Variants in SREBF2 observed in about 807,000 individuals in gnomAD.
SREBF2 encodes the protein sterol regulatory element-binding protein 2.
Under a neutral mutation model 113.1 loss-of-function variants are expected in SREBF2, and 55 were observed. The ratio of observed to expected loss-of-function variants is 0.49; its 90% CI spans 0.39 to 0.61. The LOEUF (loss-of-function observed/expected upper bound fraction) is 0.61, where lower values mean the gene tolerates loss of function less well. SREBF2 is among the 20% of genes least tolerant of loss of function. SREBF2 has a pLI of 0.00. For missense variants in SREBF2, 1,349 were observed against 1,487.4 expected, an observed-to-expected ratio of 0.91 and a Z score of 1.53; for synonymous variants, 593 against 605.7, an observed-to-expected ratio of 0.98 and a Z score of 0.31.
chr22:41,854,226 C>T (rs1478879092), intron 1 of SREBF2, among the ~76,000 whole-genome samples: 12 of 151,386 alleles, frequency 7.9e-5, no homozygotes, highest in African/African-American at 1.5e-4. Context: ...TGCAGTGGCG[C>T]GATCTCGACT....
intron 1 of SREBF2, among the ~76,000 whole-genome samples, chr22:41,835,023 C>T (rs2076756386): frequency 6.6e-6 from 1 of 152,082 alleles, no homozygotes; most frequent in Non-Finnish European, 1.5e-5. Flanking sequence ...ATTACACAGC[C>T]AGTAGAAAGT....
chr22:41,898,443 G>GAT (rs1024023103), intron 14 of SREBF2, among the ~76,000 whole-genome samples: 1 of 152,196 alleles, frequency 6.6e-6, no homozygotes, highest in Non-Finnish European at 1.5e-5. Flanking sequence ...TAAGGCTCTT[G>GAT]ATATATATTG....
At chr22:41,886,772 C>T (rs2077303400) in intron 11 of SREBF2, among the ~76,000 whole-genome samples, 1 of 152,132 alleles carries the variant, frequency 6.6e-6, no homozygotes, top group Non-Finnish European at 1.5e-5. Context: ...GGTGGCTTAC[C>T]CCTGTAATCC....
chr22:41,871,898 C>CAAA (rs34718352), intron 4 of SREBF2, among the ~76,000 whole-genome samples: 52 of 103,730 alleles, frequency 5.0e-4, no homozygotes, highest in Admixed American at 9.8e-4. Flanking sequence ...GACTGACTCT[C>CAAA]AAAAAAAAAA....
chr22:41,898,735 C>A lies in SREBF2; in HGVS notation c.2692C>A (p.His898Asn). 1 of 1,614,120 alleles carries A rather than the reference C, an allele frequency of 6.2e-7. No homozygotes were observed. The change falls in exon 15 of 19, where the codon CAT becomes AAT. Residue 898 changes from histidine to asparagine, a missense_variant. His to Asn is a moderately conservative substitution (Grantham distance 68). Transcript: ENST00000361204. Reference sequence around the variant, plus strand: ...GGGAGACGATGCAGCTGTGCGCTCTCATTTTACCAAAGTGGAACGCATCCC... The same window carrying A: ...GGGAGACGATGCAGCTGTGCGCTCTAATTTTACCAAAGTGGAACGCATCCC... ...LQGDDAAVRS[H>N]FTKVERIPKA... is the part of the protein sequence containing the mutation.
At chr22:41,882,637 C>T (rs2077258425) in intron 10 of SREBF2, among the ~76,000 whole-genome samples, 1 of 152,306 alleles carries the variant, frequency 6.6e-6, no homozygotes, top group South Asian at 2.1e-4. Context: ...AAAACCCTGT[C>T]TCTACTAAAA....
In SREBF2 at chr22:41,905,328, C is replaced by T. The variant is rs2269663; in HGVS notation, c.3206-112C>T. 2,789 of 1,086,330 alleles carry T rather than the reference C, an allele frequency of 2.6e-3. 86 individuals carry two copies. The East Asian group carries it at 0.07, about 27-fold the overall frequency. 67.3% of individuals were successfully genotyped at this position (1,086,330 alleles called of 1,614,324 possible). A position where few individuals can be genotyped will look rare whatever the true frequency, so the allele number is the denominator to read the frequency against. On this transcript the variant is annotated intron_variant, in intron 18 of 18. Transcript: ENST00000361204. ...CCGTGGATTGGGTGGGGCAGCAGACCCCACCTCCCAGGATGGATGTGAGCG... is the reference window on the plus strand; with the variant it reads ...CCGTGGATTGGGTGGGGCAGCAGACTCCACCTCCCAGGATGGATGTGAGCG...
intron 16 of SREBF2, chr22:41,901,083 AG>A: frequency 2.3e-6 from 1 of 439,120 alleles, no homozygotes. Flanking sequence ...ATCCTGATAG[AG>A]GGCACTGCTG....
intron 1 of SREBF2, among the ~76,000 whole-genome samples, chr22:41,844,065 C>CACACAT (rs369136150): frequency 0.013 from 1,839 of 146,024 alleles, 39 homozygotes; most frequent in Admixed American, 0.045. Flanking sequence ...CACACACACA[C>CACACAT]GTATATGTAT....
chr22:41,876,389 GA>G (rs2077198114), intron 7 of SREBF2, among the ~76,000 whole-genome samples: 1 of 152,164 alleles, frequency 6.6e-6, no homozygotes, highest in Non-Finnish European at 1.5e-5. Flanking sequence ...TTTTACTAAG[GA>G]AGCTCCATTT....
At chr22:41,839,120 GCTTGTCC>G (rs2076804641) in intron 1 of SREBF2, among the ~76,000 whole-genome samples, 1 of 152,126 alleles carries the variant, frequency 6.6e-6, no homozygotes, top group African/African-American at 2.4e-5. Context: ...CTCACTGAAG[GCTTGTCC>G]CTGAAGGCAG....
In SREBF2 at chr22:41,866,953, A is replaced by G. The variant is rs760943913; in HGVS notation, c.211A>G (p.Ser71Gly). Residue 71 changes from serine to glycine, a missense_variant, in exon 2 of 19, where the codon AGC becomes GGC. By Grantham distance (56) the Ser-to-Gly change is moderately conservative (BLOSUM62 0). This residue lies in a region of SREBF2 where 699 missense variants were observed against 843.3 expected (regional missense o/e 0.83). Coordinates refer to ENST00000361204, the MANE Select transcript of SREBF2 (RefSeq NM_004599.4). ...CAGCAGCGGCAGCAGTGGCAGCAGC[A>G]GCAGCAGCAGCAATGGCAGGGGCAG... ...GSSSGSSGSS[S>G]SSSNGRGSSS... 3 of 1,613,944 alleles carry G rather than the reference A, an allele frequency of 1.9e-6. No individual in the cohort carries two copies. The highest frequency in any genetic ancestry group is 2.5e-6 in the Non-Finnish European group (3 of 1,179,888).
chr22:41,898,942 C>A, intron 15 of SREBF2, 161 bp downstream of exon 15: 1 of 1,054,196 alleles, frequency 9.5e-7, no homozygotes, highest in Non-Finnish European at 1.4e-6. Context: ...CCATGGAGAA[C>A]TCAAGTTGGG....
chr22:41,865,250 TGTG>T (rs1432948218), intron 1 of SREBF2, among the ~76,000 whole-genome samples: 6 of 151,810 alleles, frequency 4.0e-5, no homozygotes, highest in African/African-American at 1.5e-4. Context: ...ATAGTGGTGG[TGTG>T]GTGGTTTTTG....
intron 11 of SREBF2, among the ~76,000 whole-genome samples, chr22:41,888,199 A>G (rs1045792433): frequency 5.9e-5 from 9 of 152,196 alleles, no homozygotes; most frequent in African/African-American, 2.2e-4. Context: ...CCTGTTCAAT[A>G]AATCTTTGTC....
chr22:41,885,667 C>CCGAG, intron 11 of SREBF2: 4 of 160,576 alleles, frequency 2.5e-5, no homozygotes, highest in South Asian at 1.7e-4. Context: ...TAGCTCACAA[C>CCGAG]ATGCTGACCT....
At chr22:41,844,743 A>G (rs1210314205) in intron 1 of SREBF2, among the ~76,000 whole-genome samples, 1 of 152,124 alleles carries the variant, frequency 6.6e-6, no homozygotes, top group Non-Finnish European at 1.5e-5. Flanking sequence ...GAGCTGCTGA[A>G]CCAGATATGG....
rs199792505 is a variant in SREBF2, at chr22:41,867,205, A to G, written c.463A>G (p.Thr155Ala). Residue 155 changes from threonine to alanine, a missense_variant, in exon 2 of 19, where the codon ACA (threonine) becomes GCA (alanine). This residue lies in a region of SREBF2 where 699 missense variants were observed against 843.3 expected (regional missense o/e 0.83). Coordinates refer to ENST00000361204, the MANE Select transcript of SREBF2 (RefSeq NM_004599.4). ...LQQQTVMITP[T>A]FSTTPQTRII... ...ACAACAGACGGTAATGATCACGCCA[A>G]CATTCAGCACCACTCCGCAGACGAG... 2.3e-5 allele frequency: 37 copies of G among 1,614,082 alleles called. No homozygotes were observed. The highest frequency in any genetic ancestry group is 5.3e-5 in the African/African-American group (4 of 74,920).
chr22:41,876,183 C>T (rs1278938941), intron 7 of SREBF2, among the ~76,000 whole-genome samples: 1 of 152,186 alleles, frequency 6.6e-6, no homozygotes, highest in Non-Finnish European at 1.5e-5. Flanking sequence ...GGCCTTTAAT[C>T]GTCAAAGCCC....
Sources: allele counts gnomAD v4.1 joint callset (sites outside exome capture counted in the v4.1 genomes callset), GRCh38; gene constraint gnomAD v4.1.1; regional missense constraint gnomAD v4.1.1; transcripts MANE v1.5; gene names NCBI Gene and HGNC (gene_info 2026-07-23, HGNC 2026-07-21).